The following PTPRN2 variants were observed in gnomAD, a reference collection of about 807,000 sequenced individuals.
PTPRN2 encodes protein tyrosine phosphatase receptor type N2.
A neutral mutation model predicts 118.8 loss-of-function variants in PTPRN2; 74 were observed. The observed-to-expected ratio is 0.62, with a 90% CI of 0.52 to 0.76. The LOEUF (loss-of-function observed/expected upper bound fraction) is 0.76. Among genes scored for constraint, PTPRN2 ranks in the 30% least tolerant of loss-of-function variants. The pLI is 0.00. For missense variants in PTPRN2, 1,481 were observed against 1,394.4 expected, an observed-to-expected ratio of 1.06 and a Z score of -0.99; for synonymous variants, 641 against 608.0, an observed-to-expected ratio of 1.05 and a Z score of -0.80.
chr7:157,846,466 C>T (rs1808808740), intron 12 of PTPRN2, among the ~76,000 whole-genome samples: 1 of 151,940 alleles, frequency 6.6e-6, no homozygotes, highest in Non-Finnish European at 1.5e-5. Context: ...TTTCCCCTCC[C>T]CTGGGTGATA....
In PTPRN2 at chr7:157,671,485, G is replaced by T. The variant is rs1449632817; in HGVS notation, c.2001+11240C>A. ...CTCAGGGGACGGGGGTCTGCACAGG[G>T]CTGGACAGATGGGAGGGTCTGCAGG... On this transcript the variant is annotated intron_variant, in intron 13 of 22. Coordinates refer to ENST00000389418, the MANE Select transcript of PTPRN2 (RefSeq NM_002847.5). This position sits in a 1 kb window ranked among gnomAD's most constrained non-coding sequence, Gnocchi z 4.1. 6.6e-6 allele frequency among the ~76,000 whole-genome samples: 1 copy of T among 152,108 alleles called. No individual in the cohort carries two copies. The highest frequency in any genetic ancestry group is 2.4e-5 in the African/African-American group (1 of 41,400).
At chr7:157,793,147 G>T (rs1804629887) in intron 12 of PTPRN2, among the ~76,000 whole-genome samples, 1 of 152,102 alleles carries the variant, frequency 6.6e-6, no homozygotes, top group Non-Finnish European at 1.5e-5. Flanking sequence ...GAGAATGAGG[G>T]CCTGGAGCTG....
At chr7:158,341,279 C>A (rs192020446) in intron 2 of PTPRN2, among the ~76,000 whole-genome samples, 289 of 100,394 alleles carry the variant, frequency 2.9e-3, no homozygotes, top group Middle Eastern at 6.4e-3. Context: ...CCCACACTCT[C>A]ACCATAAGAG....
intron 17 of PTPRN2, among the ~76,000 whole-genome samples, chr7:157,593,466 T>C (rs1277458224): frequency 2.6e-5 from 4 of 152,190 alleles, no homozygotes; most frequent in African/African-American, 9.7e-5. Flanking sequence ...AAAGAACACA[T>C]ATTTGGGGGC....
intron 9 of PTPRN2, among the ~76,000 whole-genome samples, chr7:158,131,251 A>G (rs75822217): frequency 0.012 from 1,791 of 152,094 alleles, 34 homozygotes; most frequent in African/African-American, 0.041. Flanking sequence ...ACACATACAT[A>G]CACACGCAAA....
At chr7:157,653,441 G>A (rs1268803353) in intron 14 of PTPRN2, among the ~76,000 whole-genome samples, 2 of 152,138 alleles carry the variant, frequency 1.3e-5, no homozygotes, top group Admixed American at 1.3e-4. Flanking sequence ...CGGAAGGTCG[G>A]CGACTCTGAT....
At chr7:157,993,906 C>T (rs1804448046) in intron 11 of PTPRN2, among the ~76,000 whole-genome samples, 1 of 152,146 alleles carries the variant, frequency 6.6e-6, no homozygotes, top group Admixed American at 6.5e-5. Flanking sequence ...CAGTGGCCCC[C>T]CATGCACTGA....
chr7:158,214,860 A>C (rs1266846640), intron 3 of PTPRN2, among the ~76,000 whole-genome samples: 1 of 151,980 alleles, frequency 6.6e-6, no homozygotes, highest in Non-Finnish European at 1.5e-5. Flanking sequence ...CACCACCACC[A>C]CCCCTTACCC....
rs1027767122 is a variant in PTPRN2, at chr7:157,893,208, C to T, written c.1788+5465G>A. ...CCAGTGGGTGAAATAAACACTCTAG[C>T]GTTTGGTAATTTTCTGTCCCAGGGA... is the stretch of plus-strand genomic sequence containing the variant. On this transcript the variant is annotated intron_variant, in intron 12 of 22. Coordinates refer to ENST00000389418, the MANE Select transcript of PTPRN2 (RefSeq NM_002847.5). The surrounding 1 kb of genome is among the most constrained non-coding windows in gnomAD (Gnocchi z 4.0). Among the ~76,000 whole-genome samples, 26 of 152,162 alleles carry T rather than the reference C, an allele frequency of 1.7e-4. No individual in the cohort carries two copies. The highest frequency in any genetic ancestry group is 4.6e-4 in the African/African-American group (19 of 41,434).
In PTPRN2 at chr7:157,903,266, G is replaced by A. The variant is rs1459570970; in HGVS notation, c.1724-4529C>T. Among the ~76,000 whole-genome samples, 3 of 151,888 alleles carry A rather than the reference G, an allele frequency of 2.0e-5. No individual in the cohort carries two copies. The highest frequency in any genetic ancestry group is 2.9e-5 in the Non-Finnish European group (2 of 68,000). On this transcript the variant is annotated intron_variant, in intron 11 of 22. Coordinates refer to ENST00000389418, the MANE Select transcript of PTPRN2 (RefSeq NM_002847.5). The surrounding 1 kb of genome is among the most constrained non-coding windows in gnomAD (Gnocchi z 4.2). Reference sequence around the variant, plus strand: ...ACAACAGACACGTAAGAGGGAATGTGAGAGGGAATGTGAGAGGGAGGTGGG... The same window carrying A: ...ACAACAGACACGTAAGAGGGAATGTAAGAGGGAATGTGAGAGGGAGGTGGG...
intron 2 of PTPRN2, among the ~76,000 whole-genome samples, chr7:158,402,318 G>A (rs148572933): frequency 6.6e-6 from 1 of 152,188 alleles, no homozygotes; most frequent in African/African-American, 2.4e-5. Context: ...GGAAATCTGG[G>A]GGTACAACCT....
intron 9 of PTPRN2, among the ~76,000 whole-genome samples, chr7:158,125,960 A>G (rs908383114): frequency 1.3e-5 from 2 of 152,168 alleles, no homozygotes; most frequent in African/African-American, 4.8e-5. Flanking sequence ...CTGAGCGGTG[A>G]GGCCTCCTGG....
intron 2 of PTPRN2, among the ~76,000 whole-genome samples, chr7:158,351,715 C>T (rs1300043043): frequency 1.3e-5 from 2 of 152,116 alleles, no homozygotes; most frequent in African/African-American, 4.8e-5. Flanking sequence ...CACAGCCAGT[C>T]ACGGCCCCAC....
chr7:157,936,153 C>T (rs989461440), intron 11 of PTPRN2, among the ~76,000 whole-genome samples: 4 of 152,222 alleles, frequency 2.6e-5, no homozygotes, highest in Non-Finnish European at 5.9e-5. Flanking sequence ...CCCACTTTCC[C>T]TCCCTGCCAT....
chr7:157,756,649 A>G (rs1801798060), intron 12 of PTPRN2, among the ~76,000 whole-genome samples: 2 of 152,194 alleles, frequency 1.3e-5, no homozygotes, highest in Non-Finnish European at 1.5e-5. Context: ...TCACTGCGCA[A>G]TGGAAGCAAT....
intron 11 of PTPRN2, among the ~76,000 whole-genome samples, chr7:158,057,796 T>C (rs963846867): frequency 2.6e-4 from 40 of 152,236 alleles, no homozygotes; most frequent in African/African-American, 9.4e-4. Flanking sequence ...GCCATGTTCA[T>C]GTGCACAAGG....
intron 12 of PTPRN2, among the ~76,000 whole-genome samples, chr7:157,886,544 G>A (rs1796454786): frequency 6.6e-6 from 1 of 152,300 alleles, no homozygotes; most frequent in East Asian, 1.9e-4. Flanking sequence ...GTATTGAGAA[G>A]GCATCCGTGA....
intron 9 of PTPRN2, among the ~76,000 whole-genome samples, chr7:158,123,978 A>G (rs79152924): frequency 2.1e-5 from 3 of 141,516 alleles, no homozygotes; most frequent in South Asian, 2.4e-4. Flanking sequence ...AATCTGATTC[A>G]GCCTCAGATC....
chr7:157,988,688 G>C (rs1041095564), intron 11 of PTPRN2, among the ~76,000 whole-genome samples: 1 of 152,208 alleles, frequency 6.6e-6, no homozygotes, highest in Non-Finnish European at 1.5e-5. Context: ...GGCGAGAAAT[G>C]CCCATGACCC....
Sources: allele counts gnomAD v4.1 joint callset (sites outside exome capture counted in the v4.1 genomes callset), GRCh38; gene constraint gnomAD v4.1.1; non-coding constraint Gnocchi (gnomAD v3.1); transcripts MANE v1.5; gene names NCBI Gene and HGNC (gene_info 2026-07-23, HGNC 2026-07-21).